Variants in INPP4B observed in about 807,000 individuals in gnomAD.
INPP4B encodes inositol polyphosphate-4-phosphatase type II B.
In INPP4B, 55 loss-of-function variants were observed where a neutral mutation model predicts 122.5. That is an observed-to-expected ratio of 0.45 (90% CI 0.36 to 0.56). The LOEUF (loss-of-function observed/expected upper bound fraction) is 0.56, where lower values mean the gene tolerates loss of function less well. Among genes scored for constraint, INPP4B ranks in the 20% least tolerant of loss-of-function variants. INPP4B has a pLI of 0.00. For missense variants in INPP4B, 1,000 were observed against 1,097.7 expected (o/e 0.91, Z 1.26); for synonymous variants, 403 against 388.7 (o/e 1.04, Z -0.43).
At chr4:142,478,712 A>G (rs1470741199) in intron 2 of INPP4B, among the ~76,000 whole-genome samples, 2 of 152,230 alleles carry the variant, frequency 1.3e-5, no homozygotes, top group African/African-American at 4.8e-5. Context: ...AGATTTTTGC[A>G]TCTATGTTCA....
Position 142,599,256 on chromosome 4 carries a change from A to T in INPP4B, c.-191+126583T>A, listed in dbSNP as rs558211695. Among the ~76,000 whole-genome samples, 4 of 152,190 alleles carry T rather than the reference A, an allele frequency of 2.6e-5. No homozygotes were observed. The East Asian group carries it at 7.7e-4, about 29-fold the overall frequency. On this transcript the variant is annotated intron_variant, in intron 2 of 25. Coordinates refer to ENST00000262992, the MANE Select transcript of INPP4B (RefSeq NM_001101669.3). ...CTCAGCATCAGTCTGACTGTCTGCT[A>T]ACACCAGTGCCAACATAAGCCATCC...
chr4:142,167,824 C>T (rs959371277), intron 16 of INPP4B, among the ~76,000 whole-genome samples: 5 of 151,536 alleles, frequency 3.3e-5, no homozygotes, highest in African/African-American at 1.2e-4. Context: ...CTTTTGTGTA[C>T]ATTCAAATAT....
chr4:142,211,199 T>G (rs962610673), intron 12 of INPP4B, among the ~76,000 whole-genome samples: 2 of 152,102 alleles, frequency 1.3e-5, no homozygotes, highest in African/African-American at 2.4e-5. Context: ...ATGAAAACAT[T>G]GCAAAACAAA....
At chr4:142,331,285 G>A (rs1445020985) in intron 7 of INPP4B, among the ~76,000 whole-genome samples, 1 of 152,168 alleles carries the variant, frequency 6.6e-6, no homozygotes, top group Non-Finnish European at 1.5e-5. Flanking sequence ...GCTGACCACA[G>A]AATTGGAAAG....
chr4:142,563,832 G>A (rs1730987062), intron 2 of INPP4B, among the ~76,000 whole-genome samples: 1 of 152,142 alleles, frequency 6.6e-6, no homozygotes, highest in Admixed American at 6.5e-5. Context: ...GCCTTCCAGT[G>A]GATGAGTCAT....
chr4:142,658,075 G>T (rs572673338), intron 2 of INPP4B, among the ~76,000 whole-genome samples: 5 of 152,164 alleles, frequency 3.3e-5, no homozygotes, highest in African/African-American at 9.7e-5. Context: ...GATGTCTAAC[G>T]ATATGCTATC....
intron 21 of INPP4B, 99 bp downstream of exon 21, chr4:142,122,029 T>C: frequency 1.3e-6 from 1 of 747,164 alleles, no homozygotes; most frequent in Non-Finnish European, 2.3e-6. Flanking sequence ...ACAAAAGAAA[T>C]ATTCCCAAAT....
chr4:142,618,166 T>C (rs1284255187), intron 2 of INPP4B, among the ~76,000 whole-genome samples: 1 of 151,978 alleles, frequency 6.6e-6, no homozygotes, highest in Non-Finnish European at 1.5e-5. Context: ...CTCAAACTGA[T>C]TTACAGATTC....
chr4:142,654,502 ACT>A (rs1231247376), intron 2 of INPP4B: 1 of 152,028 alleles, frequency 6.6e-6, no homozygotes, highest in African/African-American at 2.4e-5. Context: ...ATAGTTACAA[ACT>A]CTGTGGATTT....
At chr4:142,324,471 CAA>C (rs898062038) in intron 7 of INPP4B, among the ~76,000 whole-genome samples, 1 of 152,096 alleles carries the variant, frequency 6.6e-6, no homozygotes, top group Non-Finnish European at 1.5e-5. Context: ...CAGAATCTGA[CAA>C]AAGTCTTTAG....
intron 14 of INPP4B, among the ~76,000 whole-genome samples, chr4:142,206,119 A>G (rs980101331): frequency 1.3e-5 from 2 of 152,150 alleles, no homozygotes; most frequent in Non-Finnish European, 2.9e-5. Flanking sequence ...AAGAAATTTT[A>G]TGAATTTACA....
chr4:142,525,330 T>A (rs1826752853), intron 2 of INPP4B, among the ~76,000 whole-genome samples: 1 of 147,434 alleles, frequency 6.8e-6, no homozygotes, highest in South Asian at 2.2e-4. Context: ...AATTTACAGA[T>A]TCAATGCCAT....
chr4:142,433,729 AG>A (rs999476174), intron 3 of INPP4B, among the ~76,000 whole-genome samples: 4 of 152,182 alleles, frequency 2.6e-5, no homozygotes, highest in African/African-American at 9.6e-5. Flanking sequence ...CACCAGTGAT[AG>A]GTAAATCAAA....
At chr4:142,584,289 T>C (rs1252985882) in intron 2 of INPP4B, among the ~76,000 whole-genome samples, 1 of 152,170 alleles carries the variant, frequency 6.6e-6, no homozygotes, top group East Asian at 1.9e-4. Flanking sequence ...ATATGGCTCA[T>C]ATGTTATAAT....
intron 2 of INPP4B, among the ~76,000 whole-genome samples, chr4:142,500,819 CAA>C (rs1254195651): frequency 6.6e-6 from 1 of 152,032 alleles, no homozygotes; most frequent in Admixed American, 6.6e-5. Context: ...ATGATCTACT[CAA>C]AGTAGACAAA....
chr4:142,438,383 T>G (rs1442689219), intron 3 of INPP4B, among the ~76,000 whole-genome samples: 3 of 152,084 alleles, frequency 2.0e-5, no homozygotes, highest in African/African-American at 7.2e-5. Context: ...AATAGAGACC[T>G]CAGAAATAAG....
chr4:142,747,932 G>C (rs1769033469), intron 1 of INPP4B, among the ~76,000 whole-genome samples: 1 of 152,004 alleles, frequency 6.6e-6, no homozygotes, highest in African/African-American at 2.4e-5. Flanking sequence ...ATGACGAGTT[G>C]ATAGGGTGTA....
intron 7 of INPP4B, among the ~76,000 whole-genome samples, chr4:142,336,085 C>T (rs1366016266): frequency 1.3e-5 from 2 of 152,216 alleles, no homozygotes; most frequent in Non-Finnish European, 2.9e-5. Flanking sequence ...GGACTATCTG[C>T]TTTTGGGCTC....
chr4:142,555,732 G>A (rs1034453795), intron 2 of INPP4B, among the ~76,000 whole-genome samples: 4 of 151,902 alleles, frequency 2.6e-5, no homozygotes, highest in Non-Finnish European at 2.9e-5. Context: ...TTAGCCGGGC[G>A]TGGTAGTGGG....
Sources: allele counts gnomAD v4.1 joint callset (sites outside exome capture counted in the v4.1 genomes callset), GRCh38; gene constraint gnomAD v4.1.1; transcripts MANE v1.5; gene names NCBI Gene and HGNC (gene_info 2026-07-23, HGNC 2026-07-21).